ANK2: variants seen among roughly 807,000 people sequenced by gnomAD.
ANK2 encodes the protein ankyrin-2.
Under a neutral mutation model 360.5 loss-of-function variants are expected in ANK2, and 83 were observed. The ratio of observed to expected loss-of-function variants is 0.23; its 90% CI spans 0.19 to 0.28. The LOEUF is 0.28. Ranked by LOEUF, ANK2 falls within the 10% of genes least tolerant of loss-of-function variation. ANK2 has a pLI of 1.00. For synonymous variants in ANK2, 1,740 were observed against 1,759.5 expected (o/e 0.99, Z 0.28); for missense variants, 4,201 against 4,795.7 (o/e 0.88, Z 3.66).
At chr4:112,812,798 C>G in the ANK2 span, among the ~76,000 whole-genome samples, 422 of 152,272 alleles carry the variant, frequency 2.8e-3, 1 homozygote, top group African/African-American at 9.5e-3. Flanking sequence ...TTTGACACGA[C>G]CCTACTTCTC....
At chr4:112,946,715 G>A (rs1232744886) in intron 2 of ANK2, among the ~76,000 whole-genome samples, 1 of 152,206 alleles carries the variant, frequency 6.6e-6, no homozygotes, top group Non-Finnish European at 1.5e-5. Context: ...CAGGTACAAT[G>A]CCAAGTTCTT....
intron 1 of ANK2, among the ~76,000 whole-genome samples, chr4:113,157,534 T>C (rs753524729): frequency 2.0e-5 from 3 of 152,240 alleles, no homozygotes; most frequent in Non-Finnish European, 2.9e-5. Context: ...GCTCTTGGGT[T>C]AGCAACATTA....
intron 2 of ANK2, among the ~76,000 whole-genome samples, chr4:112,959,735 G>A (rs2033702115): frequency 6.6e-6 from 1 of 152,140 alleles, no homozygotes; most frequent in Non-Finnish European, 1.5e-5. Flanking sequence ...AGTCTTGGCA[G>A]TAAGATTAAA....
intron 2 of ANK2, among the ~76,000 whole-genome samples, chr4:112,985,963 G>A (rs554162975): frequency 6.7e-6 from 1 of 149,262 alleles, no homozygotes. Context: ...AACACCACTT[G>A]TTCCCCCAAA....
chr4:113,136,245 C>T (rs919269575), intron 1 of ANK2, among the ~76,000 whole-genome samples: 2 of 152,148 alleles, frequency 1.3e-5, no homozygotes, highest in African/African-American at 4.8e-5. Flanking sequence ...ATCCTGATGG[C>T]TCTGTGTCCA....
At chr4:112,730,402 C>A in the ANK2 span, among the ~76,000 whole-genome samples, 2 of 150,270 alleles carry the variant, frequency 1.3e-5, no homozygotes, top group African/African-American at 4.9e-5. Context: ...TTTGGGAGAT[C>A]GAGATGGCAG....
At chr4:112,849,902 G>C (rs2064244093) in intron 1 of ANK2, among the ~76,000 whole-genome samples, 1 of 152,194 alleles carries the variant, frequency 6.6e-6, no homozygotes, top group South Asian at 2.1e-4. Flanking sequence ...AAGAAGATCT[G>C]CCCTCACCAA....
intron 4 of ANK2, among the ~76,000 whole-genome samples, chr4:113,210,807 A>G (rs1338727477): frequency 6.6e-6 from 1 of 152,210 alleles, no homozygotes; most frequent in East Asian, 1.9e-4. Flanking sequence ...GAGCATGGGA[A>G]GGCTATTATA....
intron 2 of ANK2, among the ~76,000 whole-genome samples, chr4:112,939,972 T>G (rs1014320611): frequency 1.3e-5 from 2 of 152,260 alleles, no homozygotes; most frequent in African/African-American, 4.8e-5. Flanking sequence ...TACCATTTGG[T>G]ATCCCTTTGA....
chr4:112,706,967 C>T, the ANK2 span, among the ~76,000 whole-genome samples: 1 of 152,042 alleles, frequency 6.6e-6, no homozygotes, highest in Non-Finnish European at 1.5e-5. Context: ...AGATTTTTTC[C>T]CCCCGGCTAC....
chr4:113,289,421 C>T (rs2066441419), intron 20 of ANK2, among the ~76,000 whole-genome samples: 1 of 151,924 alleles, frequency 6.6e-6, no homozygotes, highest in African/African-American at 2.4e-5. Context: ...GTTGCCTAGG[C>T]TGGTCTCGAA....
intron 4 of ANK2, among the ~76,000 whole-genome samples, chr4:113,226,913 T>A (rs184333621): frequency 1.1e-4 from 17 of 152,310 alleles, no homozygotes; most frequent in African/African-American, 4.1e-4. Flanking sequence ...GACTTTTTTA[T>A]ACCAAAAAGG....
intron 13 of ANK2, 62 bp downstream of exon 13, chr4:113,258,473 GGTGTGTGTATGT>G: frequency 6.6e-7 from 1 of 1,506,426 alleles, no homozygotes; most frequent in South Asian, 1.1e-5. Context: ...AGAGATTGTG[GGTGTGTGTATGT>G]GTGTTTGCGT....
intron 2 of ANK2, among the ~76,000 whole-genome samples, chr4:112,999,170 A>G (rs577472055): frequency 6.6e-6 from 1 of 152,332 alleles, no homozygotes; most frequent in South Asian, 2.1e-4. Flanking sequence ...TCTGCAATAC[A>G]GACAGATGCT....
At chr4:112,709,959 A>T in the ANK2 span, among the ~76,000 whole-genome samples, 2 of 152,084 alleles carry the variant, frequency 1.3e-5, no homozygotes, top group Admixed American at 1.3e-4. Flanking sequence ...GTGTCATATC[A>T]TTTATGGCAC....
At chr4:113,135,324 G>A (rs905964150) in intron 1 of ANK2, among the ~76,000 whole-genome samples, 2 of 151,724 alleles carry the variant, frequency 1.3e-5, no homozygotes, top group African/African-American at 4.9e-5. Flanking sequence ...GCCACACAGA[G>A]GTGACAGCTG....
intron 7 of ANK2, among the ~76,000 whole-genome samples, chr4:113,237,987 G>A (rs967822949): frequency 2.0e-5 from 3 of 152,064 alleles, no homozygotes; most frequent in Non-Finnish European, 4.4e-5. Flanking sequence ...GAAAATTTGG[G>A]AGGTTTCTCT....
chr4:112,901,715 G>T (rs2083431865), intron 1 of ANK2, among the ~76,000 whole-genome samples: 2 of 151,936 alleles, frequency 1.3e-5, no homozygotes, highest in Non-Finnish European at 2.9e-5. Context: ...ACAAAAATTA[G>T]CCGGGCACGG....
chr4:113,218,284 A>G (rs2099109619), intron 4 of ANK2, among the ~76,000 whole-genome samples: 2 of 152,206 alleles, frequency 1.3e-5, no homozygotes, highest in South Asian at 4.1e-4. Flanking sequence ...TTGAGAAAAC[A>G]CAGCAACTAT....
Sources: gnomAD v4.1 joint callset for allele counts (sites outside exome capture counted in the v4.1 genomes callset) on GRCh38, gnomAD v4.1.1 for gene constraint, MANE v1.5 for transcripts, NCBI Gene and HGNC (gene_info 2026-07-23, HGNC 2026-07-21) for gene names.